Variants in CAST observed in about 807,000 individuals in gnomAD.
CAST encodes MIR583 host.
Under a neutral mutation model 119.6 loss-of-function variants are expected in CAST, and 76 were observed. That is an observed-to-expected ratio of 0.64 (90% confidence interval 0.53 to 0.77). CAST has a LOEUF of 0.77. CAST is among the 30% of genes least tolerant of loss of function. CAST has a pLI of 0.00. For synonymous variants in CAST, 319 were observed against 331.6 expected, an observed-to-expected ratio of 0.96 and a Z score of 0.41; for missense variants, 953 against 946.5, an observed-to-expected ratio of 1.01 and a Z score of -0.09.
intron 3 of CAST, among the ~76,000 whole-genome samples, chr5:96,708,731 T>C (rs1755512954): frequency 6.6e-6 from 1 of 152,200 alleles, no homozygotes; most frequent in African/African-American, 2.4e-5. Context: ...GCTCAACTGA[T>C]TCACCTGCCT....
the CAST span, among the ~76,000 whole-genome samples, chr5:96,036,508 T>G: frequency 2.0e-5 from 3 of 152,098 alleles, no homozygotes; most frequent in African/African-American, 7.2e-5. Flanking sequence ...AATCTACATG[T>G]TTAGGTGCCA....
intron 4 of CAST, among the ~76,000 whole-genome samples, 186 bp downstream of exon 4, chr5:96,722,884 C>T (rs541391749): frequency 6.6e-5 from 10 of 152,320 alleles, no homozygotes; most frequent in South Asian, 6.2e-4. Flanking sequence ...ATTTACCTTA[C>T]ACATCATCTA....
At chr5:96,365,895 A>G in the CAST span, among the ~76,000 whole-genome samples, 3 of 152,184 alleles carry the variant, frequency 2.0e-5, no homozygotes, top group Non-Finnish European at 2.9e-5. Flanking sequence ...TATTTTGCTC[A>G]TTAGTTGATG....
chr5:96,193,295 A>G, the CAST span, among the ~76,000 whole-genome samples: 4 of 152,176 alleles, frequency 2.6e-5, no homozygotes, highest in African/African-American at 9.7e-5. Context: ...TTACTATGAT[A>G]TCATGCGATA....
At chr5:96,238,242 G>T in the CAST span, among the ~76,000 whole-genome samples, 6 of 150,914 alleles carry the variant, frequency 4.0e-5, no homozygotes, top group Admixed American at 3.3e-4. Context: ...CTATATTTAG[G>T]CAATTTTATA....
upstream of CAST, among the ~76,000 whole-genome samples, chr5:96,527,823 G>A (rs1262523277): frequency 6.6e-6 from 1 of 152,118 alleles, no homozygotes; most frequent in African/African-American, 2.4e-5. Flanking sequence ...ATTAAGCTGG[G>A]CTTGAGCCAG....
intron 1 of CAST, among the ~76,000 whole-genome samples, chr5:96,616,753 T>TATACACACACAC (rs1167637550): frequency 7.6e-6 from 1 of 130,738 alleles, no homozygotes; most frequent in African/African-American, 2.8e-5. Flanking sequence ...TCTATATATA[T>TATACACACACAC]ACACACACAC....
chr5:96,285,941 A>G, the CAST span, among the ~76,000 whole-genome samples: 21 of 152,250 alleles, frequency 1.4e-4, no homozygotes, highest in African/African-American at 5.1e-4. Context: ...AAGGCATGTC[A>G]TTGAATAGAG....
chr5:96,620,625 C>T (rs1348759966), intron 1 of CAST, among the ~76,000 whole-genome samples: 2 of 152,044 alleles, frequency 1.3e-5, no homozygotes, highest in Admixed American at 6.5e-5. Context: ...GTATTAAATA[C>T]GTTTTTGACT....
At chr5:96,543,406 A>G (rs1392791392) in intron 1 of CAST, among the ~76,000 whole-genome samples, 2 of 152,200 alleles carry the variant, frequency 1.3e-5, no homozygotes, top group Non-Finnish European at 2.9e-5. Flanking sequence ...GGGGAGGGAT[A>G]ACATTAGGAG....
chr5:96,529,502 T>C (rs115241259), upstream of CAST, among the ~76,000 whole-genome samples: 2,411 of 152,204 alleles, frequency 0.016, 70 homozygotes, highest in African/African-American at 0.056. Context: ...AGCAATACAA[T>C]GAGTTGTTAC....
chr5:96,751,824 C>T (rs527963509), intron 20 of CAST, among the ~76,000 whole-genome samples: 46 of 152,260 alleles, frequency 3.0e-4, no homozygotes, highest in Non-Finnish European at 6.3e-4. Context: ...TCAACTTTAC[C>T]CTGACTGTAG....
At chr5:96,617,234 GCA>G (rs376903639) in intron 1 of CAST, among the ~76,000 whole-genome samples, 133 of 150,578 alleles carry the variant, frequency 8.8e-4, no homozygotes, top group African/African-American at 3.1e-3. Context: ...CTATAAAAGA[GCA>G]CACACACACA....
chr5:96,742,793 T>C (rs756435367), intron 16 of CAST, 37 bp downstream of exon 16: 3 of 1,439,166 alleles, frequency 2.1e-6, no homozygotes, highest in Non-Finnish European at 2.9e-6. Context: ...AGCTTGTTAG[T>C]CTGCACATTA....
chr5:96,021,379 GTGCC>G, the CAST span, among the ~76,000 whole-genome samples: 1 of 152,088 alleles, frequency 6.6e-6, no homozygotes, highest in East Asian at 1.9e-4. Flanking sequence ...AACCAGCTTA[GTGCC>G]TAAAGAGCTC....
chr5:96,120,043 G>A, the CAST span, among the ~76,000 whole-genome samples: 1 of 152,030 alleles, frequency 6.6e-6, no homozygotes, highest in Non-Finnish European at 1.5e-5. Context: ...TTATAATTCT[G>A]CCTTTATCCA....
the CAST span, among the ~76,000 whole-genome samples, chr5:96,257,720 C>A: frequency 1.3e-5 from 2 of 152,194 alleles, no homozygotes; most frequent in South Asian, 2.1e-4. Context: ...TAACTGCTGA[C>A]CCCAGAACTA....
chr5:96,439,404 AG>A, the CAST span, among the ~76,000 whole-genome samples: 1 of 152,222 alleles, frequency 6.6e-6, no homozygotes, highest in East Asian at 1.9e-4. Flanking sequence ...ATCCAGCAGC[AG>A]GGAAAGCCAA....
At chr5:96,534,743 A>AGAGAGAGAGAGAAAG (rs1554066267) in intron 1 of CAST, among the ~76,000 whole-genome samples, 1 of 56,556 alleles carries the variant, frequency 1.8e-5, no homozygotes, top group Non-Finnish European at 3.0e-5. Flanking sequence ...GAGAGAGAGA[A>AGAGAGAGAGAGAAAG]AGAAAGAAAG....
Sources: gnomAD v4.1 joint callset for allele counts (sites outside exome capture counted in the v4.1 genomes callset) on GRCh38, gnomAD v4.1.1 for gene constraint, MANE v1.5 for transcripts, NCBI Gene and HGNC (gene_info 2026-07-23, HGNC 2026-07-21) for gene names.